MRPL3: variants seen among roughly 807,000 people sequenced by gnomAD.
MRPL3 encodes the protein mitochondrial ribosomal protein L3.
A neutral mutation model predicts 44.3 loss-of-function variants in MRPL3; 43 were observed. The ratio of observed to expected loss-of-function variants is 0.97; its 90% CI spans 0.76 to 1.25. The LOEUF (loss-of-function observed/expected upper bound fraction) is 1.25. MRPL3 is among the 50% of genes most tolerant of loss of function. The probability of loss-of-function intolerance (pLI) is 0.00; values close to 1 mark genes in which losing one functional copy is unlikely to be tolerated. For missense variants in MRPL3, 406 were observed against 427.6 expected, an observed-to-expected ratio of 0.95 and a Z score of 0.45; for synonymous variants, 171 against 152.3, an observed-to-expected ratio of 1.12 and a Z score of -0.91.
chr3:131,467,234 ACG>A lies in MRPL3; in HGVS notation c.894+855_894+856del, dbSNP rs766544064. Among the ~76,000 whole-genome samples, 13 of 147,596 alleles carry A rather than the reference ACG, an allele frequency of 8.8e-5. No homozygotes were observed. In the East Asian group the frequency reaches 9.8e-4, roughly 11 times the overall value. On this transcript the variant is annotated intron_variant, in intron 9 of 9. Transcript: ENST00000264995. The stretch of plus-strand genomic sequence containing the variant: ...ATTCTCTAGAATATTCTTCAGCCAT[ACG>A]CGCGCACACACACACACATACACAC...
At chr3:131,491,234 A>T (rs561994662) in intron 4 of MRPL3, among the ~76,000 whole-genome samples, 10 of 152,258 alleles carry the variant, frequency 6.6e-5, no homozygotes, top group African/African-American at 2.4e-4. Flanking sequence ...CACTCAATGC[A>T]AAGTGCTTGT....
chr3:131,475,729 A>C (rs1174163904), intron 6 of MRPL3, among the ~76,000 whole-genome samples: 2 of 152,262 alleles, frequency 1.3e-5, no homozygotes, highest in Non-Finnish European at 1.5e-5. Context: ...AATTATGTAA[A>C]CTAACATCTA....
At chr3:131,474,765 A>ATT (rs372689423) in intron 6 of MRPL3, among the ~76,000 whole-genome samples, 1,551 of 137,854 alleles carry the variant, frequency 0.011, 36 homozygotes, top group African/African-American at 0.038. Flanking sequence ...AGACTTTTTA[A>ATT]TTTTTTTTTT....
intron 6 of MRPL3, among the ~76,000 whole-genome samples, chr3:131,474,953 T>A (rs1359860735): frequency 7.3e-5 from 11 of 151,556 alleles, no homozygotes; most frequent in Non-Finnish European, 1.2e-4. Context: ...TAATTTTTAA[T>A]TTTTTTTGGT....
chr3:131,495,962 G>A lies in MRPL3; in HGVS notation c.468+2217C>T, dbSNP rs1052510532. 2.0e-5 allele frequency among the ~76,000 whole-genome samples: 3 copies of A among 152,078 alleles called. No homozygotes were observed. The South Asian group carries it at 6.2e-4, about 32-fold the overall frequency. ...TAGGGGACCTAAAGGTAGAAATCAG[G>A]ATTAGAACTCAACTTTTCTGATCCC... On this transcript the variant is annotated intron_variant, in intron 4 of 9. Coordinates refer to ENST00000264995, the MANE Select transcript of MRPL3 (RefSeq NM_007208.4).
intron 6 of MRPL3, among the ~76,000 whole-genome samples, chr3:131,485,850 T>A (rs1934105735): frequency 6.6e-6 from 1 of 152,170 alleles, no homozygotes; most frequent in Admixed American, 6.5e-5. Context: ...CTCCCCCAGT[T>A]TCTTTTGATA....
chr3:131,471,957 T>C (rs1933753223), intron 6 of MRPL3, among the ~76,000 whole-genome samples: 1 of 152,090 alleles, frequency 6.6e-6, no homozygotes, highest in Non-Finnish European at 1.5e-5. Context: ...GGACTATTAG[T>C]AGGTATGGAG....
At position 131,490,047 on chromosome 3, in the gene MRPL3, G is replaced by A. The variant is rs1007810989; in HGVS notation, c.502C>T (p.Leu168Phe). 5 of 1,611,280 alleles carry A rather than the reference G, an allele frequency of 3.1e-6. No individual in the cohort carries two copies. In the Admixed American group the frequency reaches 8.4e-5, roughly 27 times the overall value. The change falls in exon 5 of 10, where the codon CTT (leucine) becomes TTT (phenylalanine). Residue 168 changes from leucine (L) to phenylalanine (F), a missense_variant. Leu to Phe is a conservative substitution (Grantham distance 22, BLOSUM62 0). Transcript: ENST00000264995. ...ATSILEFYRE[L>F]GLPPKQTVKI... ...ACTGTCTGTTTCGGCGGCAATCCAA[G>A]TTCCCGGTAAAATTCCAATATGGAT...
In MRPL3 at chr3:131,500,530, T is replaced by G. The variant is rs1394583576; in HGVS notation, c.278-9A>C. ...ACCAACTCTAAAGGAACCTGGCAAT[T>G]AAAACCAAAGCAATGTGAACAAAAG... On this transcript the variant is annotated splice_polypyrimidine_tract_variant and intron_variant, in intron 2 of 9. Coordinates refer to ENST00000264995, the MANE Select transcript of MRPL3 (RefSeq NM_007208.4). 1 of 1,610,538 alleles carries G rather than the reference T, an allele frequency of 6.2e-7. No homozygotes were observed. The highest frequency in any genetic ancestry group is 8.5e-7 in the Non-Finnish European group (1 of 1,177,274).
chr3:131,463,355 A>G (rs1933532285), intron 9 of MRPL3, among the ~76,000 whole-genome samples: 1 of 151,850 alleles, frequency 6.6e-6, no homozygotes, highest in Non-Finnish European at 1.5e-5. Flanking sequence ...AAAACAAACA[A>G]GATTGTATTT....
At chr3:131,475,799 T>C (rs1408873983) in intron 6 of MRPL3, among the ~76,000 whole-genome samples, 3 of 152,226 alleles carry the variant, frequency 2.0e-5, no homozygotes, top group African/African-American at 7.2e-5. Flanking sequence ...CCACTTAACA[T>C]TGAATTTTAG....
intron 4 of MRPL3, among the ~76,000 whole-genome samples, chr3:131,494,662 C>T (rs2035573): frequency 0.74 from 112,405 of 152,036 alleles, 42,799 homozygotes; most frequent in African/African-American, 0.9. Flanking sequence ...ACATACTTCT[C>T]GATTATCATC....
intron 6 of MRPL3, among the ~76,000 whole-genome samples, chr3:131,480,059 A>G (rs547137755): frequency 3.9e-5 from 6 of 152,372 alleles, no homozygotes; most frequent in African/African-American, 1.4e-4. Context: ...AACATATTAC[A>G]TGTATATAAA....
At chr3:131,481,660 TAAA>T (rs1933989896) in intron 6 of MRPL3, among the ~76,000 whole-genome samples, 1 of 152,198 alleles carries the variant, frequency 6.6e-6, no homozygotes. Flanking sequence ...TGACCACTAA[TAAA>T]ATTTTTAACC....
chr3:131,501,433 C>A (rs1384157796), intron 2 of MRPL3, 98 bp downstream of exon 2: 1 of 1,049,732 alleles, frequency 9.5e-7, no homozygotes, highest in Admixed American at 2.4e-5. Context: ...AAAATAAATT[C>A]AAGAAATGAT....
chr3:131,488,945 T>C (rs1224567645), intron 5 of MRPL3: 1 of 152,092 alleles, frequency 6.6e-6, no homozygotes, highest in Admixed American at 6.5e-5. Context: ...TTAAGTGACC[T>C]TTTATGAGGC....
chr3:131,490,551 A>G (rs1342862720), intron 4 of MRPL3, among the ~76,000 whole-genome samples: 1 of 152,202 alleles, frequency 6.6e-6, no homozygotes, highest in Non-Finnish European at 1.5e-5. Flanking sequence ...ATACCTACAT[A>G]TCTCTGGTTA....
intron 8 of MRPL3, 43 bp from the exon 9 acceptor site, chr3:131,468,211 A>G (rs989346379): frequency 8.7e-7 from 1 of 1,149,318 alleles, no homozygotes; most frequent in Non-Finnish European, 1.3e-6. Context: ...ATATACTTGT[A>G]TTAAAACAAT....
chr3:131,489,834 A>AC, intron 5 of MRPL3, 147 bp downstream of exon 5: 2 of 531,700 alleles, frequency 3.8e-6, no homozygotes, highest in Admixed American at 3.2e-5. Context: ...TAAAAAAAAA[A>AC]AAAAACAAAA....
Sources: gnomAD v4.1 joint callset for allele counts (sites outside exome capture counted in the v4.1 genomes callset) on GRCh38, gnomAD v4.1.1 for gene constraint, MANE v1.5 for transcripts, NCBI Gene and HGNC (gene_info 2026-07-23, HGNC 2026-07-21) for gene names.